The following TPST1 variants were observed in gnomAD, a reference collection of about 807,000 sequenced individuals.
TPST1 encodes the protein tyrosylprotein sulfotransferase 1, also known as protein-tyrosine sulfotransferase 1.
TPST1 carries 20 observed loss-of-function variants against 34.8 expected under a neutral mutation model. The observed-to-expected ratio is 0.57, with a 90% CI of 0.40 to 0.84. TPST1 has a LOEUF of 0.84. Among genes scored for constraint, TPST1 ranks in the 40% least tolerant of loss-of-function variants. The pLI is 0.00. For synonymous variants in TPST1, 152 were observed against 159.4 expected (o/e 0.95, Z 0.35); for missense variants, 353 against 455.5 (o/e 0.78, Z 2.05).
intron 3 of TPST1, among the ~76,000 whole-genome samples, chr7:66,350,693 G>A (rs1792459178): frequency 6.6e-6 from 1 of 152,138 alleles, no homozygotes; most frequent in Non-Finnish European, 1.5e-5. Flanking sequence ...GATTTTCTGT[G>A]CTCTGAAGGA....
At chr7:66,310,642 T>G (rs1442700414) in intron 3 of TPST1, among the ~76,000 whole-genome samples, 1 of 152,144 alleles carries the variant, frequency 6.6e-6, no homozygotes, top group Non-Finnish European at 1.5e-5. Context: ...GCTCTGCCCT[T>G]GCCACAGTTC....
chr7:66,203,116 A>G (rs895672169), upstream of TPST1, among the ~76,000 whole-genome samples: 1 of 152,018 alleles, frequency 6.6e-6, no homozygotes, highest in South Asian at 2.1e-4. Context: ...ATTGCTGTCT[A>G]CCATCTTATA....
At chr7:66,262,345 A>G (rs751966126) in intron 2 of TPST1, among the ~76,000 whole-genome samples, 11 of 152,014 alleles carry the variant, frequency 7.2e-5, no homozygotes, top group Admixed American at 1.3e-4. Context: ...CTCTTCTTTC[A>G]TTGGGCATAC....
chr7:66,247,457 A>C (rs1044141281), intron 2 of TPST1, among the ~76,000 whole-genome samples: 2 of 152,102 alleles, frequency 1.3e-5, no homozygotes, highest in African/African-American at 4.8e-5. Flanking sequence ...ACTATGGAAA[A>C]CCAAGGAGAG....
At chr7:66,324,220 G>T (rs1016969653) in intron 3 of TPST1, among the ~76,000 whole-genome samples, 14 of 152,200 alleles carry the variant, frequency 9.2e-5, no homozygotes, top group Non-Finnish European at 1.5e-4. Context: ...GAGATAGAAA[G>T]TAGAATGGAG....
chr7:66,297,195 C>G (rs187980145), intron 3 of TPST1, among the ~76,000 whole-genome samples: 5 of 152,244 alleles, frequency 3.3e-5, no homozygotes, highest in Non-Finnish European at 1.5e-5. Context: ...TTCATTACAG[C>G]CTATTTGCTG....
intron 3 of TPST1, among the ~76,000 whole-genome samples, chr7:66,351,361 A>G (rs538042695): frequency 7.8e-4 from 119 of 152,244 alleles, no homozygotes; most frequent in Non-Finnish European, 1.4e-3. Flanking sequence ...CTGTTCTGCA[A>G]TGCCACCTTG....
chr7:66,249,201 T>G (rs968021903), intron 2 of TPST1, among the ~76,000 whole-genome samples: 1 of 152,008 alleles, frequency 6.6e-6, no homozygotes, highest in East Asian at 1.9e-4. Flanking sequence ...CCTGTTTTTT[T>G]TAAAAAAATT....
At chr7:66,326,527 A>G (rs1007447926) in intron 3 of TPST1, among the ~76,000 whole-genome samples, 3 of 152,192 alleles carry the variant, frequency 2.0e-5, no homozygotes, top group African/African-American at 7.2e-5. Flanking sequence ...AACAGAAATA[A>G]TAGCATTCCT....
At chr7:66,245,456 G>C (rs1241813596) in intron 2 of TPST1, among the ~76,000 whole-genome samples, 1 of 152,230 alleles carries the variant, frequency 6.6e-6, no homozygotes, top group African/African-American at 2.4e-5. Context: ...TCACCTGGAG[G>C]GTGGTGGAGG....
In TPST1 at chr7:66,240,552, A is replaced by C. The variant is rs1194464742; in HGVS notation, c.127A>C (p.Lys43Gln). The change falls in exon 2 of 6, where the codon AAA becomes CAA. Residue 43 changes from lysine (K) to glutamine (Q), a missense_variant. Physicochemically the swap from Lys to Gln is moderately conservative, Grantham distance 53. Coordinates refer to ENST00000304842, the MANE Select transcript of TPST1 (RefSeq NM_003596.4). ...HRIEERSQPV[K>Q]LESTRTTVRT... ...GATAGAGGAACGTAGCCAGCCAGTC[A>C]AATTGGAGAGCACAAGGACCACTGT... The C allele has an allele frequency of 6.2e-7, 1 of 1,614,198 alleles. No homozygotes were observed. The highest frequency in any genetic ancestry group is 8.5e-7 in the Non-Finnish European group (1 of 1,180,036).
chr7:66,330,428 A>G (rs1486767585), intron 3 of TPST1, among the ~76,000 whole-genome samples: 1 of 152,188 alleles, frequency 6.6e-6, no homozygotes, highest in Non-Finnish European at 1.5e-5. Context: ...CTCCTTTTAA[A>G]CCATCTTTCC....
At chr7:66,303,265 GA>G (rs140405921) in intron 3 of TPST1, among the ~76,000 whole-genome samples, 12 of 147,044 alleles carry the variant, frequency 8.2e-5, no homozygotes, top group African/African-American at 1.8e-4. Context: ...TTTCTGGTCT[GA>G]AAAAAAAAAG....
intron 2 of TPST1, among the ~76,000 whole-genome samples, chr7:66,280,962 G>A (rs1048573096): frequency 2.2e-4 from 34 of 152,328 alleles, no homozygotes; most frequent in African/African-American, 7.9e-4. Flanking sequence ...TTGGCTGTGG[G>A]TTTGTCATAG....
chr7:66,280,055 G>C (rs1011216800), intron 2 of TPST1, among the ~76,000 whole-genome samples: 1 of 152,200 alleles, frequency 6.6e-6, no homozygotes, highest in Non-Finnish European at 1.5e-5. Flanking sequence ...CTCCCTCCTG[G>C]GGGTGTGGTG....
chr7:66,298,187 C>A (rs1021471866), intron 3 of TPST1, among the ~76,000 whole-genome samples: 2 of 152,060 alleles, frequency 1.3e-5, no homozygotes, highest in African/African-American at 4.8e-5. Context: ...TCAGTGAGGT[C>A]AAGAAATTTT....
chr7:66,242,403 A>AT (rs891119425), intron 2 of TPST1, among the ~76,000 whole-genome samples: 18 of 151,156 alleles, frequency 1.2e-4, no homozygotes, highest in South Asian at 1.0e-3. Flanking sequence ...TATCTGCTTA[A>AT]TTTTTTTTTG....
intron 2 of TPST1, among the ~76,000 whole-genome samples, chr7:66,248,996 C>G (rs1158053500): frequency 6.6e-6 from 1 of 152,038 alleles, no homozygotes; most frequent in Non-Finnish European, 1.5e-5. Flanking sequence ...CTGTCTGGTT[C>G]ATAGATGGCA....
At chr7:66,208,938 A>G (rs562532031) in intron 1 of TPST1, among the ~76,000 whole-genome samples, 17 of 152,250 alleles carry the variant, frequency 1.1e-4, no homozygotes, top group African/African-American at 3.8e-4. Context: ...AATCTAGACA[A>G]GGAAAGGTAA....
Sources: allele counts gnomAD v4.1 joint callset (sites outside exome capture counted in the v4.1 genomes callset), GRCh38; gene constraint gnomAD v4.1.1; transcripts MANE v1.5; gene names NCBI Gene and HGNC (gene_info 2026-07-23, HGNC 2026-07-21).